The following ITSN1 variants were observed in gnomAD, a reference collection of about 807,000 sequenced individuals.
ITSN1 encodes the protein intersectin 1.
In ITSN1, 58 loss-of-function variants were observed where a neutral mutation model predicts 239.8. The ratio of observed to expected loss-of-function variants is 0.24; its 90% CI spans 0.20 to 0.30. The LOEUF (loss-of-function observed/expected upper bound fraction) is 0.30, where lower values mean the gene tolerates loss of function less well. Ranked by LOEUF, ITSN1 falls within the 10% of genes least tolerant of loss-of-function variation. ITSN1 has a pLI of 1.00. For missense variants in ITSN1, 1,558 were observed against 2,103.3 expected (o/e 0.74, Z 5.07); for synonymous variants, 780 against 770.8 (o/e 1.01, Z -0.20).
intron 5 of ITSN1, among the ~76,000 whole-genome samples, chr21:33,748,789 C>T (rs1358682649): frequency 6.6e-6 from 1 of 151,914 alleles, no homozygotes; most frequent in Non-Finnish European, 1.5e-5. Flanking sequence ...CGCTTGAGCC[C>T]AGAAGGTGAA....
chr21:33,867,095 C>T, intron 32 of ITSN1, 138 bp from the exon 33 acceptor site: 1 of 625,978 alleles, frequency 1.6e-6, no homozygotes, highest in Non-Finnish European at 2.9e-6. Context: ...TAGTCAGGCC[C>T]TTCCAACCCC....
At chr21:33,887,550 GC>G (rs1463458408) in intron 39 of ITSN1, among the ~76,000 whole-genome samples, 1 of 151,784 alleles carries the variant, frequency 6.6e-6, no homozygotes, top group Non-Finnish European at 1.5e-5. Flanking sequence ...CCAAGTCTGG[GC>G]TCTTAACTAC....
chr21:33,868,690 G>A (rs1388076702), intron 33 of ITSN1, among the ~76,000 whole-genome samples: 2 of 152,210 alleles, frequency 1.3e-5, no homozygotes, highest in Non-Finnish European at 1.5e-5. Context: ...GTTCCTGCTC[G>A]CGCCTCTCCC....
At chr21:33,786,327 C>T (rs1336047270) in intron 16 of ITSN1, among the ~76,000 whole-genome samples, 1 of 152,152 alleles carries the variant, frequency 6.6e-6, no homozygotes, top group Admixed American at 6.5e-5. Context: ...CTCAGATCCA[C>T]GTTCTAGAAA....
chr21:33,829,297 A>G (rs1340054544), intron 26 of ITSN1: 3 of 344,172 alleles, frequency 8.7e-6, no homozygotes, highest in Non-Finnish European at 1.7e-5. Flanking sequence ...CATTCTGGGT[A>G]ATTATGGGAG....
Position 33,899,441 on chromosome 21 carries a change from A to T in ITSN1, c.*11141A>T, listed in dbSNP as rs1986973330. On this transcript the variant is annotated 3_prime_UTR_variant, in exon 40 of 40. Transcript: ENST00000381318. Reference sequence around the variant, plus strand: ...TGTTGCCAAATAATGGTACTGTTTAATTTTCCATAAAAGAGAGACTATATT... The same window carrying T: ...TGTTGCCAAATAATGGTACTGTTTATTTTTCCATAAAAGAGAGACTATATT... 6.6e-6 allele frequency: 1 copy of T among 152,118 alleles called. No individual in the cohort carries two copies. The highest frequency in any genetic ancestry group is 6.6e-5 in the Admixed American group (1 of 15,262). 9.4% of individuals were successfully genotyped at this position (152,118 alleles called of 1,614,324 possible). A position where few individuals can be genotyped will look rare whatever the true frequency, so the allele number is the denominator to read the frequency against.
At chr21:33,861,169 A>T (rs1980447647) in intron 31 of ITSN1, among the ~76,000 whole-genome samples, 1 of 152,238 alleles carries the variant, frequency 6.6e-6, no homozygotes, top group African/African-American at 2.4e-5. Flanking sequence ...TGTAGAGTGA[A>T]CACCCACATC....
chr21:33,805,657 AAG>A (rs1254046472), intron 20 of ITSN1, among the ~76,000 whole-genome samples: 1 of 152,050 alleles, frequency 6.6e-6, no homozygotes, highest in Non-Finnish European at 1.5e-5. Context: ...GAGCTTTAGA[AAG>A]AGTTTTTTTG....
At position 33,894,346 on chromosome 21, in the gene ITSN1, CTA is replaced by C. The variant is rs1263578833; in HGVS notation, c.*6048_*6049del. 3 of 152,182 alleles carry C rather than the reference CTA, an allele frequency of 2.0e-5. No homozygotes were observed. Among genetic ancestry groups the C allele is most frequent in the Admixed American group, 6.5e-5 (1 of 15,272 alleles). 9.4% of individuals were successfully genotyped at this position (152,182 alleles called of 1,614,324 possible). On this transcript the variant is annotated 3_prime_UTR_variant, in exon 40 of 40. Coordinates refer to ENST00000381318, the MANE Select transcript of ITSN1 (RefSeq NM_003024.3). ...CACCCACATCATAATTTTTCTGACA[CTA>C]TGTGTGCTTGTCAAATTTCAGGGTC... is the stretch of plus-strand genomic sequence containing the variant.
chr21:33,814,351 T>G (rs1302983715), intron 22 of ITSN1: 1 of 371,672 alleles, frequency 2.7e-6, no homozygotes, highest in Non-Finnish European at 5.0e-6. Context: ...GTGGGTAAGA[T>G]CTTACTAGAA....
chr21:33,773,647 CAAA>C (rs1329113605), intron 12 of ITSN1, among the ~76,000 whole-genome samples: 2 of 150,304 alleles, frequency 1.3e-5, no homozygotes, highest in African/African-American at 4.9e-5. Context: ...GAACCTGTCT[CAAA>C]AAAAGAAAGA....
In ITSN1 at chr21:33,882,071, C is replaced by T. The variant is rs1331312467; in HGVS notation, c.4342-172C>T. On this transcript the variant is annotated intron_variant, in intron 34 of 39. Transcript: ENST00000381318. The surrounding 1 kb of genome is among the most constrained non-coding windows in gnomAD (Gnocchi z 4.5). ...TTCTTGATACTTGGAATCCCCTGAA[C>T]TGTGCCTTTGTCTGACTTTGATCTC... 6.6e-6 allele frequency among the ~76,000 whole-genome samples: 1 copy of T among 152,098 alleles called. No homozygotes were observed. The highest frequency in any genetic ancestry group is 1.9e-4 in the East Asian group (1 of 5,190).
intron 1 of ITSN1, 91 bp from the exon 2 acceptor site, chr21:33,718,706 C>T: frequency 1.2e-6 from 1 of 822,408 alleles, no homozygotes; most frequent in Non-Finnish European, 2.1e-6. Context: ...TAGTATTAGT[C>T]CTCTGACCAT....
At chr21:33,847,279 G>A (rs2075015718) in intron 29 of ITSN1, among the ~76,000 whole-genome samples, 1 of 152,182 alleles carries the variant, frequency 6.6e-6, no homozygotes, top group African/African-American at 2.4e-5. Flanking sequence ...TTCAGAGAAG[G>A]CCTGGCTGCC....
intron 16 of ITSN1, among the ~76,000 whole-genome samples, chr21:33,792,295 C>T (rs993637365): frequency 5.3e-5 from 8 of 152,176 alleles, no homozygotes; most frequent in Non-Finnish European, 1.0e-4. Flanking sequence ...AGCTCCGCCT[C>T]CTGGGTTCTC....
rs1985109879 is a variant in ITSN1, at chr21:33,882,623, C to T, written c.4554+168C>T. 6.6e-6 allele frequency among the ~76,000 whole-genome samples: 1 copy of T among 152,028 alleles called. No homozygotes were observed. Among genetic ancestry groups the T allele is most frequent in the Non-Finnish European group, 1.5e-5 (1 of 68,018 alleles). On this transcript the variant is annotated intron_variant, in intron 35 of 39. Coordinates refer to ENST00000381318, the MANE Select transcript of ITSN1 (RefSeq NM_003024.3). The surrounding 1 kb of genome is among the most constrained non-coding windows in gnomAD (Gnocchi z 4.5). ...TCCGGAGTGGAGGACGATCCATATC[C>T]CGCCGCAGTGTCAGTGACACTCAGT...
intron 18 of ITSN1, 62 bp from the exon 19 acceptor site, chr21:33,799,746 T>G: frequency 6.4e-7 from 1 of 1,573,880 alleles, no homozygotes; most frequent in South Asian, 1.1e-5. Context: ...TGGCTTGTTG[T>G]CATACATTTG....
intron 8 of ITSN1, among the ~76,000 whole-genome samples, chr21:33,756,420 G>GA (rs890334121): frequency 6.6e-6 from 1 of 151,932 alleles, no homozygotes; most frequent in Non-Finnish European, 1.5e-5. Flanking sequence ...GAAAGGAAGG[G>GA]AAAAAAATTA....
At chr21:33,647,601 A>G (rs1054706703) in intron 1 of ITSN1, among the ~76,000 whole-genome samples, 1 of 152,000 alleles carries the variant, frequency 6.6e-6, no homozygotes, top group Admixed American at 6.6e-5. Context: ...GTTCAAATGA[A>G]TCTCTTGCCT....
Sources: allele counts gnomAD v4.1 joint callset (sites outside exome capture counted in the v4.1 genomes callset), GRCh38; gene constraint gnomAD v4.1.1; non-coding constraint Gnocchi (gnomAD v3.1); transcripts MANE v1.5; gene names NCBI Gene and HGNC (gene_info 2026-07-23, HGNC 2026-07-21).